Variants in AGAP3 observed in about 807,000 individuals in gnomAD.
AGAP3 encodes ArfGAP with GTPase domain, ankyrin repeat and PH domain 3.
Under a neutral mutation model 96.9 loss-of-function variants are expected in AGAP3, and 24 were observed. The ratio of observed to expected loss-of-function variants is 0.25; its 90% CI spans 0.18 to 0.35. The LOEUF (loss-of-function observed/expected upper bound fraction) is 0.35. Ranked by LOEUF, AGAP3 falls within the 10% of genes least tolerant of loss-of-function variation. The pLI is 1.00. For missense variants in AGAP3, 876 were observed against 1,254.2 expected (o/e 0.70, Z 4.55); for synonymous variants, 563 against 536.1 (o/e 1.05, Z -0.69).
chr7:151,123,193 A>G, intron 8 of AGAP3: 1 of 1,051,454 alleles, frequency 9.5e-7, no homozygotes, highest in Non-Finnish European at 1.1e-6. Context: ...CTGCTCCGGA[A>G]GCCGCCGCCG....
At chr7:151,135,743 G>A (rs1800567615) in intron 11 of AGAP3, among the ~76,000 whole-genome samples, 1 of 152,224 alleles carries the variant, frequency 6.6e-6, no homozygotes, top group Admixed American at 6.5e-5. Context: ...TGCAGTGGAT[G>A]TCTCTGCATC....
At chr7:151,087,587 C>G (rs1384590928) in intron 1 of AGAP3, among the ~76,000 whole-genome samples, 1 of 152,200 alleles carries the variant, frequency 6.6e-6, no homozygotes, top group East Asian at 1.9e-4. Flanking sequence ...CAAGCGGGAG[C>G]GGGCCGGGCC....
intron 1 of AGAP3, among the ~76,000 whole-genome samples, chr7:151,112,883 C>T (rs563639947): frequency 7.3e-5 from 11 of 151,564 alleles, no homozygotes; most frequent in East Asian, 3.9e-4. Flanking sequence ...ATTACAGGCG[C>T]GAGACACGGT....
upstream of AGAP3, among the ~76,000 whole-genome samples, chr7:151,086,301 G>A (rs1389299448): frequency 6.7e-6 from 1 of 149,760 alleles, no homozygotes; most frequent in Non-Finnish European, 1.5e-5. Flanking sequence ...GCTCGGGGGT[G>A]GAGGCTGCAG....
At chr7:151,112,495 C>A (rs1320800490) in intron 1 of AGAP3, among the ~76,000 whole-genome samples, 2 of 151,900 alleles carry the variant, frequency 1.3e-5, no homozygotes, top group Non-Finnish European at 2.9e-5. Flanking sequence ...TGTTCTCCCA[C>A]TGAAAGAGGC....
Position 151,104,702 on chromosome 7 carries a change from C to T in AGAP3, c.332-12091C>T, listed in dbSNP as rs376682912. On this transcript the variant is annotated intron_variant, in intron 1 of 17. Coordinates refer to ENST00000397238, the MANE Select transcript of AGAP3 (RefSeq NM_031946.7). Reference sequence around the variant, plus strand: ...TGGAGAGCAGGAGAAGGGATTGCTACGACCAACCTGGAAAAGTAACGGCGT... The same window carrying T: ...TGGAGAGCAGGAGAAGGGATTGCTATGACCAACCTGGAAAAGTAACGGCGT... Among the ~76,000 whole-genome samples the T allele has an allele frequency of 2.3e-4, 35 of 152,312 alleles. No individual in the cohort carries two copies. In the East Asian group the frequency reaches 5.2e-3, roughly 23 times the overall value.
intron 1 of AGAP3, among the ~76,000 whole-genome samples, chr7:151,102,717 G>T (rs921847851): frequency 1.3e-5 from 2 of 152,026 alleles, no homozygotes; most frequent in Admixed American, 6.6e-5. Flanking sequence ...CCAGGCTCAG[G>T]TGATCCTCCC....
chr7:151,105,792 C>CCACACACACACACA lies in AGAP3; in HGVS notation c.332-10974_332-10961dup, dbSNP rs60071807. ...CTCCATTCCGCCCCCCCCCCCGACACCACACACACACACACACACACACAC... is the reference window on the plus strand; with the variant it reads ...CTCCATTCCGCCCCCCCCCCCGACACCACACACACACACACACACACACACACACACACACACAC... On this transcript the variant is annotated intron_variant, in intron 1 of 17. Coordinates refer to ENST00000397238, the MANE Select transcript of AGAP3 (RefSeq NM_031946.7). 2.7e-3 allele frequency among the ~76,000 whole-genome samples: 73 copies of CCACACACACACACA among 26,916 alleles called. 3 individuals are homozygous for CCACACACACACACA. The highest frequency in any genetic ancestry group is 0.01 in the East Asian group (6 of 574). The allele number at this position is 26,916 out of a possible 152,430, so 17.7% of individuals were successfully genotyped here.
At chr7:151,135,758 C>T (rs1800568260) in intron 11 of AGAP3, among the ~76,000 whole-genome samples, 1 of 152,208 alleles carries the variant, frequency 6.6e-6, no homozygotes, top group South Asian at 2.1e-4. Flanking sequence ...TGCATCAGGT[C>T]CCAGGTCCTC....
At position 151,114,096 on chromosome 7, in the gene AGAP3, A is replaced by G. The variant is rs1049169104; in HGVS notation, c.332-2697A>G. Among the ~76,000 whole-genome samples the G allele has an allele frequency of 4.6e-5, 7 of 152,228 alleles. No individual in the cohort carries two copies. The highest frequency in any genetic ancestry group is 8.8e-5 in the Non-Finnish European group (6 of 68,042). ...CTTAACTCAGTCCAGACAGATGAGTATCTTCTGGATTTTATAATCTCCAAA... is the reference window on the plus strand; with the variant it reads ...CTTAACTCAGTCCAGACAGATGAGTGTCTTCTGGATTTTATAATCTCCAAA... On this transcript the variant is annotated intron_variant, in intron 1 of 17. Coordinates refer to ENST00000397238, the MANE Select transcript of AGAP3 (RefSeq NM_031946.7). The surrounding 1 kb of genome is among the most constrained non-coding windows in gnomAD (Gnocchi z 4.4).
chr7:151,128,493 G>A (rs978513454), intron 9 of AGAP3, 87 bp from the exon 10 acceptor site: 41 of 1,053,842 alleles, frequency 3.9e-5, no homozygotes, highest in Admixed American at 7.7e-5. Context: ...GGAGGGGGGA[G>A]GGCATTGCCT....
rs143353677 is a variant in AGAP3, at chr7:151,118,985, A to G, written c.969+353A>G. Among the ~76,000 whole-genome samples, 494 of 152,282 alleles carry G rather than the reference A, an allele frequency of 3.2e-3. 2 individuals carry two copies. The highest frequency in any genetic ancestry group is 0.011 in the African/African-American group (458 of 41,558). The stretch of plus-strand genomic sequence containing the variant: ...CCACTGCACTTTACCTCTGCCAATG[A>G]CCGTCATCTCTCCAAGGCCTGCCCT... On this transcript the variant is annotated intron_variant, in intron 7 of 17. Coordinates refer to ENST00000397238, the MANE Select transcript of AGAP3 (RefSeq NM_031946.7). The surrounding 1 kb of genome is among the most constrained non-coding windows in gnomAD (Gnocchi z 6.1).
At chr7:151,119,041 G>A (rs1316798968) in intron 7 of AGAP3, among the ~76,000 whole-genome samples, 1 of 152,240 alleles carries the variant, frequency 6.6e-6, no homozygotes, top group Non-Finnish European at 1.5e-5. Context: ...TGACAGCCTG[G>A]TTGCATTTCA....
At chr7:151,120,908 A>T in intron 8 of AGAP3, 1 of 1,028,082 alleles carries the variant, frequency 9.7e-7, no homozygotes, top group Non-Finnish European at 1.2e-6. Context: ...TGCCCATCCA[A>T]ACCCTAATCC....
intron 1 of AGAP3, among the ~76,000 whole-genome samples, chr7:151,110,669 C>A (rs1799241648): frequency 6.6e-6 from 1 of 151,266 alleles, no homozygotes; most frequent in Admixed American, 6.6e-5. Flanking sequence ...AGATGGGAGA[C>A]CCCTAGGAAG....
In AGAP3 at chr7:151,122,610, C is replaced by T. The variant is rs942225169; in HGVS notation, c.1129-1184C>T. ...TTCTCCTCCTCCTCCTCCTCCTCTT[C>T]ATCCCGCTGCCGCCGCTCCCCAGGC... On this transcript the variant is annotated intron_variant, in intron 8 of 17. Coordinates refer to ENST00000397238, the MANE Select transcript of AGAP3 (RefSeq NM_031946.7). The T allele has an allele frequency of 5.0e-6, 6 of 1,208,624 alleles. No individual in the cohort carries two copies. The East Asian group carries it at 7.6e-5, about 15-fold the overall frequency. The allele number at this position is 1,208,624 out of a possible 1,614,324, so 74.9% of individuals were successfully genotyped here.
At position 151,138,238 on chromosome 7, in the gene AGAP3, C is replaced by A. The variant is rs201842814; in HGVS notation, c.1591C>A (p.Arg531Ser). The A allele has an allele frequency of 6.2e-7, 1 of 1,612,648 alleles. No individual in the cohort carries two copies. Among genetic ancestry groups the A allele is most frequent in the East Asian group, 2.2e-5 (1 of 44,862 alleles). Residue 531 changes from arginine (R) to serine (S), a missense_variant, in exon 12 of 18, where the codon CGC (arginine) becomes AGC (serine). Coordinates refer to ENST00000397238, the MANE Select transcript of AGAP3 (RefSeq NM_031946.7). The stretch of plus-strand genomic sequence containing the variant: ...CCCGCGCCCTGAGGGGCTGCACCAG[C>A]GCTCCTGCTCCGTTTCCAGCGCCGA... ...AGPRPEGLHQ[R>S]SCSVSSADQW...
chr7:151,098,630 G>A lies in AGAP3; in HGVS notation c.331+11558G>A, dbSNP rs144880041. On this transcript the variant is annotated intron_variant, in intron 1 of 17. Coordinates refer to ENST00000397238, the MANE Select transcript of AGAP3 (RefSeq NM_031946.7). ...CACACCACTACACTCCAGCCTGGGC[G>A]ACAGAGCAAGACCAGTCTGTTTAAA... 4.8e-3 allele frequency among the ~76,000 whole-genome samples: 731 copies of A among 152,146 alleles called. 11 individuals are homozygous for A. The highest frequency in any genetic ancestry group is 0.017 in the African/African-American group (691 of 41,506).
intron 1 of AGAP3, among the ~76,000 whole-genome samples, chr7:151,103,245 A>T (rs1248532042): frequency 2.0e-5 from 3 of 152,238 alleles, no homozygotes; most frequent in East Asian, 1.9e-4. Context: ...AAGGCTGCTC[A>T]TTCAAATCGT....
Sources: allele counts gnomAD v4.1 joint callset (sites outside exome capture counted in the v4.1 genomes callset), GRCh38; gene constraint gnomAD v4.1.1; non-coding constraint Gnocchi (gnomAD v3.1); transcripts MANE v1.5; gene names NCBI Gene and HGNC (gene_info 2026-07-23, HGNC 2026-07-21).